The following NRXN1 variants were observed in gnomAD, a reference collection of about 807,000 sequenced individuals.
NRXN1 encodes neurexin-1.
A neutral mutation model predicts 150.9 loss-of-function variants in NRXN1; 39 were observed. That is an observed-to-expected ratio of 0.26 (90% CI 0.20 to 0.34). NRXN1 has a LOEUF of 0.34. Ranked by LOEUF, NRXN1 falls within the 10% of genes least tolerant of loss-of-function variation. The pLI, the probability that NRXN1 is intolerant of heterozygous loss-of-function variation, is 1.00. For missense variants in NRXN1, 1,815 were observed against 1,949.9 expected (o/e 0.93, Z 1.30); for synonymous variants, 924 against 757.0 (o/e 1.22, Z -3.62).
intron 5 of NRXN1, among the ~76,000 whole-genome samples, chr2:50,851,914 GA>G (rs1674573915): frequency 6.6e-6 from 1 of 152,184 alleles, no homozygotes; most frequent in Admixed American, 6.5e-5. Context: ...AAAGGAAAAA[GA>G]GAGTAAGATA....
intron 8 of NRXN1, among the ~76,000 whole-genome samples, chr2:50,598,111 C>T (rs904651236): frequency 6.6e-6 from 1 of 151,912 alleles, no homozygotes; most frequent in African/African-American, 2.4e-5. Flanking sequence ...GCACTCCAGC[C>T]TGGGCAACAG....
chr2:50,561,257 G>C (rs1669032427), intron 8 of NRXN1, among the ~76,000 whole-genome samples: 1 of 152,208 alleles, frequency 6.6e-6, no homozygotes, highest in Non-Finnish European at 1.5e-5. Flanking sequence ...GAAGCTTTCA[G>C]TGCATATGAG....
intron 21 of NRXN1, among the ~76,000 whole-genome samples, chr2:50,043,403 T>G (rs541303560): frequency 1.9e-4 from 29 of 152,302 alleles, no homozygotes; most frequent in African/African-American, 6.7e-4. Context: ...CATTACCAAC[T>G]GCTAGTTAAT....
At chr2:50,778,280 T>C (rs1206774728) in intron 5 of NRXN1, among the ~76,000 whole-genome samples, 1 of 152,166 alleles carries the variant, frequency 6.6e-6, no homozygotes, top group East Asian at 1.9e-4. Context: ...CAACTCAGTG[T>C]TTTTAAGGCA....
chr2:50,155,714 C>G (rs1232022964), intron 18 of NRXN1, among the ~76,000 whole-genome samples: 1 of 151,262 alleles, frequency 6.6e-6, no homozygotes, highest in East Asian at 1.9e-4. Flanking sequence ...CCACCTTTTT[C>G]CTTATAACAG....
rs1022744368 is a variant in NRXN1 at position 51,028,460 on chromosome 2, C to T, written c.-187G>A. 3 of 453,022 alleles carry T rather than the reference C, an allele frequency of 6.6e-6. No homozygotes were observed. The highest frequency in any genetic ancestry group is 4.0e-5 in the African/African-American group (2 of 49,526). 28.1% of individuals were successfully genotyped at this position (453,022 alleles called of 1,614,324 possible). ...TCTTCTTCCAATAACCCCGCCCTCT[C>T]TCCCTGTAGTCCTCTTCCAACTGGA... On this transcript the variant is annotated 5_prime_UTR_variant, in exon 2 of 23. Coordinates refer to ENST00000401669, the MANE Select transcript of NRXN1 (RefSeq NM_001330078.2).
At chr2:50,202,199 T>C (rs2062219534) in intron 18 of NRXN1, among the ~76,000 whole-genome samples, 4 of 151,944 alleles carry the variant, frequency 2.6e-5, no homozygotes, top group Non-Finnish European at 5.9e-5. Flanking sequence ...GAGTGGTGTA[T>C]AGGAAGAATT....
intron 17 of NRXN1, among the ~76,000 whole-genome samples, chr2:50,292,446 C>A (rs1364624516): frequency 6.6e-6 from 1 of 152,114 alleles, no homozygotes; most frequent in Non-Finnish European, 1.5e-5. Flanking sequence ...TTAACAGGTT[C>A]TGAAATGCAT....
chr2:50,936,836 T>C (rs1688624914), intron 2 of NRXN1, among the ~76,000 whole-genome samples: 1 of 152,130 alleles, frequency 6.6e-6, no homozygotes. Flanking sequence ...TGAAAGTTTG[T>C]AAACATGTAT....
At chr2:50,155,891 A>G (rs1442955145) in intron 18 of NRXN1, among the ~76,000 whole-genome samples, 1 of 151,730 alleles carries the variant, frequency 6.6e-6, no homozygotes, top group African/African-American at 2.4e-5. Context: ...AAAAAAGTAG[A>G]CATTTGTAAA....
chr2:50,186,458 C>A (rs962249645), intron 18 of NRXN1, among the ~76,000 whole-genome samples: 15 of 152,072 alleles, frequency 9.9e-5, no homozygotes, highest in South Asian at 4.1e-4. Context: ...GAAGTTACAT[C>A]ATCAGGGTCC....
At chr2:50,853,113 TTTGTAGAA>T (rs1674752878) in intron 5 of NRXN1, among the ~76,000 whole-genome samples, 3 of 152,306 alleles carry the variant, frequency 2.0e-5, no homozygotes, top group African/African-American at 7.2e-5. Context: ...GGAGCAGTTC[TTTGTAGAA>T]TAAATGCTTT....
At chr2:50,101,338 C>T (rs1040424584) in intron 18 of NRXN1, among the ~76,000 whole-genome samples, 9 of 151,996 alleles carry the variant, frequency 5.9e-5, no homozygotes, top group African/African-American at 2.2e-4. Context: ...AAGGGGCATT[C>T]TATCAATTCT....
intron 17 of NRXN1, among the ~76,000 whole-genome samples, chr2:50,275,986 GC>G (rs1388554420): frequency 1.4e-4 from 7 of 49,462 alleles, no homozygotes; most frequent in African/African-American, 5.1e-4. Context: ...TTCCTACCTT[GC>G]AAAAAAAAAA....
rs773241767 is a variant in NRXN1 at position 50,751,168 on chromosome 2, T to C, written c.833-127553A>G. Reference sequence around the variant, plus strand: ...TTATCTAGAGATGGCATATAGGCTTTGGATTTAACACTTTCTGTGCTCTAT... The same window carrying C: ...TTATCTAGAGATGGCATATAGGCTTCGGATTTAACACTTTCTGTGCTCTAT... On this transcript the variant is annotated intron_variant, in intron 5 of 22. Coordinates refer to ENST00000401669, the MANE Select transcript of NRXN1 (RefSeq NM_001330078.2). Among the ~76,000 whole-genome samples the C allele has an allele frequency of 5.3e-5, 8 of 151,958 alleles. No homozygotes were observed. The East Asian group carries it at 1.6e-3, about 30-fold the overall frequency.
intron 17 of NRXN1, among the ~76,000 whole-genome samples, chr2:50,246,203 C>A (rs935228003): frequency 5.9e-5 from 9 of 151,962 alleles, no homozygotes; most frequent in Non-Finnish European, 1.2e-4. Flanking sequence ...AAGCCTTTGG[C>A]TTATTCTGAA....
intron 5 of NRXN1, among the ~76,000 whole-genome samples, chr2:50,806,577 G>C (rs1667538489): frequency 1.3e-5 from 2 of 152,088 alleles, no homozygotes; most frequent in Non-Finnish European, 2.9e-5. Flanking sequence ...CTAAGACTTA[G>C]TTGAATATCT....
At chr2:50,066,181 A>G (rs1477955730) in intron 19 of NRXN1, among the ~76,000 whole-genome samples, 1 of 152,188 alleles carries the variant, frequency 6.6e-6, no homozygotes, top group African/African-American at 2.4e-5. Context: ...AATCGGACTC[A>G]ATAAAGTCAA....
At chr2:50,260,666 C>A in intron 17 of NRXN1, among the ~76,000 whole-genome samples, 1 of 120,596 alleles carries the variant, frequency 8.3e-6, no homozygotes, top group African/African-American at 3.2e-5. Flanking sequence ...AGCCGTCTTA[C>A]AGAGTTGAAA....
Sources: allele counts gnomAD v4.1 joint callset (sites outside exome capture counted in the v4.1 genomes callset), GRCh38; gene constraint gnomAD v4.1.1; transcripts MANE v1.5; gene names NCBI Gene and HGNC (gene_info 2026-07-23, HGNC 2026-07-21).